ATRNL1: variants seen among roughly 807,000 people sequenced by gnomAD.
The protein encoded by ATRNL1 is attractin like 1.
Under a neutral mutation model 182.7 loss-of-function variants are expected in ATRNL1, and 95 were observed. The ratio of observed to expected loss-of-function variants is 0.52; its 90% CI spans 0.44 to 0.62. The LOEUF is 0.62. Among genes scored for constraint, ATRNL1 ranks in the 20% least tolerant of loss-of-function variants. ATRNL1 has a pLI of 0.00. For missense variants in ATRNL1, 1,471 were observed against 1,679.5 expected, an observed-to-expected ratio of 0.88 and a Z score of 2.17; for synonymous variants, 576 against 568.3, an observed-to-expected ratio of 1.01 and a Z score of -0.19.
intron 28 of ATRNL1, among the ~76,000 whole-genome samples, chr10:115,850,645 A>G (rs562918479): frequency 1.3e-5 from 2 of 152,308 alleles, no homozygotes; most frequent in East Asian, 3.9e-4. Flanking sequence ...TGCCCTACAC[A>G]TAGAAATCAG....
intron 27 of ATRNL1, among the ~76,000 whole-genome samples, chr10:115,817,703 T>G (rs1950194993): frequency 6.6e-6 from 1 of 151,986 alleles, no homozygotes; most frequent in African/African-American, 2.4e-5. Context: ...GAAAAGAAAC[T>G]GTTTCATGCG....
At position 115,426,255 on chromosome 10, in the gene ATRNL1, ACT is replaced by A. The variant is rs1269273104; in HGVS notation, c.3278_3279del (p.Ser1093Ter). 6.2e-7 allele frequency: 1 copy of A among 1,612,136 alleles called. No individual in the cohort carries two copies. Among genetic ancestry groups the A allele is most frequent in the African/African-American group, 1.3e-5 (1 of 74,860 alleles). ...GAGTTTTTGTGTTTCTGCAGATGTGACTCTGAAAATCGCTATGTTGGTAATCC... is the reference window on the plus strand; with the variant it reads ...GAGTTTTTGTGTTTCTGCAGATGTGACTGAAAATCGCTATGTTGGTAATCC... On this transcript the variant is annotated frameshift_variant, in exon 21 of 29. Coordinates refer to ENST00000355044, the MANE Select transcript of ATRNL1 (RefSeq NM_207303.4). LOFTEE classifies it high-confidence loss of function.
chr10:115,890,620 C>T (rs1555110970), intron 28 of ATRNL1, among the ~76,000 whole-genome samples: 1 of 152,118 alleles, frequency 6.6e-6, no homozygotes, highest in Non-Finnish European at 1.5e-5. Context: ...CGTACACTTT[C>T]TATTTCCTTT....
At chr10:115,136,772 G>T (rs1362825605) in intron 5 of ATRNL1, among the ~76,000 whole-genome samples, 1 of 152,108 alleles carries the variant, frequency 6.6e-6, no homozygotes, top group Non-Finnish European at 1.5e-5. Flanking sequence ...TGGCTTGATA[G>T]CTAATTCCTT....
intron 26 of ATRNL1, among the ~76,000 whole-genome samples, chr10:115,634,789 G>A (rs1211151365): frequency 6.6e-6 from 1 of 152,076 alleles, no homozygotes. Context: ...AGTCTACAAT[G>A]CAAATATTGT....
intron 24 of ATRNL1, among the ~76,000 whole-genome samples, chr10:115,504,655 C>T (rs1412759755): frequency 6.6e-6 from 1 of 152,038 alleles, no homozygotes; most frequent in East Asian, 1.9e-4. Context: ...CAATTCTTAA[C>T]ACATTTTTAA....
intron 15 of ATRNL1, among the ~76,000 whole-genome samples, chr10:115,299,369 T>G (rs1380742003): frequency 2.0e-5 from 3 of 152,004 alleles, no homozygotes; most frequent in African/African-American, 4.8e-5. Flanking sequence ...GTAGTATTTG[T>G]CAATCTTAGT....
chr10:115,885,639 A>G (rs1186044871), intron 28 of ATRNL1, among the ~76,000 whole-genome samples: 1 of 152,238 alleles, frequency 6.6e-6, no homozygotes, highest in Non-Finnish European at 1.5e-5. Context: ...ATCAATGTTA[A>G]CTTTTTTCCG....
intron 19 of ATRNL1, among the ~76,000 whole-genome samples, chr10:115,343,184 G>A (rs1194965452): frequency 6.6e-6 from 1 of 151,988 alleles, no homozygotes; most frequent in African/African-American, 2.4e-5. Context: ...GAGAAGTTTC[G>A]TGTTGTTACC....
chr10:115,462,915 T>C (rs1847884664), intron 22 of ATRNL1, among the ~76,000 whole-genome samples: 1 of 152,034 alleles, frequency 6.6e-6, no homozygotes, highest in Non-Finnish European at 1.5e-5. Context: ...TCTGAGACTT[T>C]ATTAATTTGA....
chr10:115,451,364 C>A (rs527283491), intron 21 of ATRNL1, among the ~76,000 whole-genome samples: 2 of 152,164 alleles, frequency 1.3e-5, no homozygotes, highest in African/African-American at 4.8e-5. Flanking sequence ...GCAAACTATG[C>A]GTCTATCAAA....
chr10:115,655,996 C>T (rs1860307667), intron 26 of ATRNL1, among the ~76,000 whole-genome samples: 1 of 152,158 alleles, frequency 6.6e-6, no homozygotes, highest in Non-Finnish European at 1.5e-5. Context: ...CATGAGTTTT[C>T]TCTTTATTAT....
chr10:115,601,852 C>G (rs2133944221), intron 26 of ATRNL1, among the ~76,000 whole-genome samples: 1 of 152,216 alleles, frequency 6.6e-6, no homozygotes, highest in South Asian at 2.1e-4. Flanking sequence ...GTTTAGACTA[C>G]ATATTTTTAA....
chr10:115,211,105 G>T (rs1309423865), intron 8 of ATRNL1, among the ~76,000 whole-genome samples: 1 of 149,826 alleles, frequency 6.7e-6, no homozygotes, highest in African/African-American at 2.5e-5. Flanking sequence ...CATTGTGCAG[G>T]TTAGTTACAT....
At chr10:115,597,153 A>G (rs1555014252) in intron 26 of ATRNL1, among the ~76,000 whole-genome samples, 1 of 152,198 alleles carries the variant, frequency 6.6e-6, no homozygotes, top group East Asian at 1.9e-4. Context: ...TTTTAAATGT[A>G]AGGTAATAAT....
intron 14 of ATRNL1, among the ~76,000 whole-genome samples, chr10:115,283,951 T>C (rs1323876753): frequency 1.3e-5 from 2 of 152,216 alleles, no homozygotes; most frequent in South Asian, 2.1e-4. Context: ...TCATATTTAC[T>C]AAGCAGCCAA....
At position 115,188,317 on chromosome 10, in the gene ATRNL1, G is replaced by A. The variant is rs76072423; in HGVS notation, c.1348+17025G>A. Among the ~76,000 whole-genome samples, 1,303 of 152,228 alleles carry A rather than the reference G, an allele frequency of 8.6e-3. 19 individuals carry two copies. Among genetic ancestry groups the A allele is most frequent in the African/African-American group, 0.028 (1,158 of 41,550 alleles). ...AACTGAAGATTTTAAGAATTCCCTT[G>A]AACTTGCTGTGGCAGTAAAGGAAAT... is the stretch of plus-strand genomic sequence containing the variant. On this transcript the variant is annotated intron_variant, in intron 8 of 28. Coordinates refer to ENST00000355044, the MANE Select transcript of ATRNL1 (RefSeq NM_207303.4).
chr10:115,223,887 A>ATGTGTGTGTGTG (rs1185815693), intron 9 of ATRNL1, among the ~76,000 whole-genome samples: 4 of 80,112 alleles, frequency 5.0e-5, no homozygotes, highest in South Asian at 4.1e-4. Flanking sequence ...TATTTAATAT[A>ATGTGTGTGTGTG]TGTGTGTGTG....
At chr10:115,569,651 A>C (rs1410367920) in intron 26 of ATRNL1, among the ~76,000 whole-genome samples, 1 of 152,166 alleles carries the variant, frequency 6.6e-6, no homozygotes, top group Non-Finnish European at 1.5e-5. Flanking sequence ...CTCATTTTTC[A>C]ATTAGATTGT....
Sources: gnomAD v4.1 joint callset for allele counts (sites outside exome capture counted in the v4.1 genomes callset) on GRCh38, gnomAD v4.1.1 for gene constraint, MANE v1.5 for transcripts, NCBI Gene and HGNC (gene_info 2026-07-23, HGNC 2026-07-21) for gene names.